ASAP1: variants seen among roughly 807,000 people sequenced by gnomAD.
ASAP1 encodes ArfGAP with SH3 domain, ankyrin repeat and PH domain 1.
A neutral mutation model predicts 145.2 loss-of-function variants in ASAP1; 43 were observed. That is an observed-to-expected ratio of 0.30 (90% confidence interval 0.23 to 0.38). The LOEUF is 0.38. ASAP1 is among the 10% of genes least tolerant of loss of function. The probability of loss-of-function intolerance (pLI) is 1.00; values close to 1 mark genes in which losing one functional copy is unlikely to be tolerated. For missense variants in ASAP1, 1,018 were observed against 1,355.3 expected (o/e 0.75, Z 3.91); for synonymous variants, 546 against 515.5 (o/e 1.06, Z -0.80).
intron 2 of ASAP1, among the ~76,000 whole-genome samples, chr8:130,396,692 A>G (rs528915263): frequency 1.3e-5 from 2 of 152,334 alleles, no homozygotes; most frequent in South Asian, 4.1e-4. Flanking sequence ...TTTCCCGTCC[A>G]TGTGCAGCAT....
intron 1 of ASAP1, among the ~76,000 whole-genome samples, chr8:130,423,663 GA>G (rs1468595009): frequency 2.0e-5 from 3 of 152,182 alleles, no homozygotes; most frequent in Non-Finnish European, 2.9e-5. Context: ...GGAATAAGTT[GA>G]AAAGAATGTG....
At chr8:130,279,563 C>T (rs550391983) in intron 3 of ASAP1, among the ~76,000 whole-genome samples, 105 of 152,278 alleles carry the variant, frequency 6.9e-4, no homozygotes, top group Non-Finnish European at 1.2e-3. Context: ...GTTCAAATTC[C>T]AGCTTGGGTG....
At chr8:130,372,645 A>G (rs1827264391) in intron 2 of ASAP1, among the ~76,000 whole-genome samples, 1 of 152,198 alleles carries the variant, frequency 6.6e-6, no homozygotes, top group East Asian at 1.9e-4. Context: ...CAGGAAGAAA[A>G]GATTTTTCCA....
At chr8:130,180,374 T>C (rs1814271156) in intron 8 of ASAP1, among the ~76,000 whole-genome samples, 1 of 152,224 alleles carries the variant, frequency 6.6e-6, no homozygotes, top group South Asian at 2.1e-4. Flanking sequence ...CAACTTCATT[T>C]GAGTTTTCAT....
At chr8:130,100,163 C>T (rs2097526146) in intron 24 of ASAP1, among the ~76,000 whole-genome samples, 1 of 152,122 alleles carries the variant, frequency 6.6e-6, no homozygotes, top group Admixed American at 6.6e-5. Flanking sequence ...TCTCTGCATC[C>T]TCATCAGGAT....
chr8:130,157,005 A>C (rs1319233574), intron 12 of ASAP1, among the ~76,000 whole-genome samples: 4 of 152,238 alleles, frequency 2.6e-5, no homozygotes, highest in South Asian at 2.1e-4. Context: ...TTGCTTCAAT[A>C]GATATGTAAT....
intron 4 of ASAP1, among the ~76,000 whole-genome samples, chr8:130,236,142 C>T (rs549390637): frequency 6.6e-6 from 1 of 152,208 alleles, no homozygotes; most frequent in East Asian, 1.9e-4. Flanking sequence ...GCTGCCTTCC[C>T]TTCCAGGTTT....
chr8:130,240,215 T>A (rs1444887738), intron 3 of ASAP1, among the ~76,000 whole-genome samples: 1 of 152,066 alleles, frequency 6.6e-6, no homozygotes, highest in African/African-American at 2.4e-5. Flanking sequence ...TATGAACTGG[T>A]AGGGTGTAAA....
At chr8:130,154,886 A>G (rs1191205971) in intron 12 of ASAP1, among the ~76,000 whole-genome samples, 1 of 152,348 alleles carries the variant, frequency 6.6e-6, no homozygotes, top group African/African-American at 2.4e-5. Context: ...ACTTTCTTCT[A>G]GAAGTACTGG....
Position 130,249,106 on chromosome 8 carries a change from T to C in ASAP1, c.187-12112A>G, listed in dbSNP as rs555582389. Among the ~76,000 whole-genome samples, 7 of 152,232 alleles carry C rather than the reference T, an allele frequency of 4.6e-5. 1 individual carries two copies. In the South Asian group the frequency reaches 1.5e-3, roughly 32 times the overall value. ...AAACCCATTCCAAGGGCTCCTGTCTTACTTTAGGACTTAATCATGCCCCAG... is the reference window on the plus strand; with the variant it reads ...AAACCCATTCCAAGGGCTCCTGTCTCACTTTAGGACTTAATCATGCCCCAG... On this transcript the variant is annotated intron_variant, in intron 3 of 29. Coordinates refer to ENST00000518721, the MANE Select transcript of ASAP1 (RefSeq NM_018482.4).
chr8:130,284,049 A>G (rs1315817968), intron 3 of ASAP1, among the ~76,000 whole-genome samples: 1 of 152,202 alleles, frequency 6.6e-6, no homozygotes, highest in Admixed American at 6.5e-5. Context: ...TGTTAGACTC[A>G]TCATCATCAC....
chr8:130,159,971 A>G lies in ASAP1; in HGVS notation c.910-7T>C. The G allele has an allele frequency of 6.2e-7, 1 of 1,610,236 alleles. No individual in the cohort carries two copies. Among genetic ancestry groups the G allele is most frequent in the Non-Finnish European group, 8.5e-7 (1 of 1,176,528 alleles). ...CTTGCCGGCTCTGAGAATCCTAGGA[A>G]AGAAAAACTACAGATTAAACAAAAA... On this transcript the variant is annotated splice_polypyrimidine_tract_variant and splice_region_variant and intron_variant, in intron 11 of 29. Coordinates refer to ENST00000518721, the MANE Select transcript of ASAP1 (RefSeq NM_018482.4).
chr8:130,070,812 GGGGAGAGA>G lies in ASAP1; in HGVS notation c.2701+5528_2701+5535del, dbSNP rs1333346241. On this transcript the variant is annotated intron_variant, in intron 27 of 29. Coordinates refer to ENST00000518721, the MANE Select transcript of ASAP1 (RefSeq NM_018482.4). Reference sequence around the variant, plus strand: ...AACTCAAGGAGGAGATACTCCTTGAGGGGAGAGAGGGAGAGAGGGAGAGAGAGGGAGAG... The same window carrying G: ...AACTCAAGGAGGAGATACTCCTTGAGGGGAGAGAGGGAGAGAGAGGGAGAG... Among the ~76,000 whole-genome samples the G allele has an allele frequency of 1.7e-4, 20 of 117,676 alleles. 1 individual carries two copies. Among genetic ancestry groups the G allele is most frequent in the African/African-American group, 5.2e-4 (16 of 30,638 alleles). The allele number at this position is 117,676 out of a possible 152,430, so 77.2% of individuals were successfully genotyped here. A position where few individuals can be genotyped will look rare whatever the true frequency, so the allele number is the denominator to read the frequency against.
chr8:130,110,514 A>G (rs1390902938), intron 24 of ASAP1, among the ~76,000 whole-genome samples: 3 of 152,238 alleles, frequency 2.0e-5, no homozygotes, highest in Non-Finnish European at 4.4e-5. Context: ...GCAGCAACAC[A>G]GCATTCTTAC....
intron 3 of ASAP1, among the ~76,000 whole-genome samples, chr8:130,254,330 TAAAAC>T (rs577131304): frequency 8.2e-4 from 125 of 152,274 alleles, no homozygotes; most frequent in Middle Eastern, 6.8e-3. Context: ...TCACGGCACT[TAAAAC>T]AAGAATGTGA....
intron 9 of ASAP1, among the ~76,000 whole-genome samples, chr8:130,174,173 C>T (rs1407371626): frequency 6.7e-6 from 1 of 149,544 alleles, no homozygotes; most frequent in Non-Finnish European, 1.5e-5. Flanking sequence ...CCTTACTATA[C>T]GTGGTAACCT....
intron 1 of ASAP1, among the ~76,000 whole-genome samples, chr8:130,403,593 C>T (rs1156620741): frequency 2.9e-5 from 4 of 135,740 alleles, no homozygotes; most frequent in Non-Finnish European, 1.5e-5. Context: ...TCACTCGTTG[C>T]CCAGACTGGA....
intron 18 of ASAP1, among the ~76,000 whole-genome samples, chr8:130,120,719 T>A (rs2097564476): frequency 6.6e-6 from 1 of 152,236 alleles, no homozygotes; most frequent in Non-Finnish European, 1.5e-5. Context: ...AGGTATCACA[T>A]GATCACCTTG....
At chr8:130,252,211 T>A (rs1210240612) in intron 3 of ASAP1, among the ~76,000 whole-genome samples, 1 of 152,210 alleles carries the variant, frequency 6.6e-6, no homozygotes, top group Non-Finnish European at 1.5e-5. Context: ...TCATTTATTG[T>A]CTAATACATA....
Sources: allele counts gnomAD v4.1 joint callset (sites outside exome capture counted in the v4.1 genomes callset), GRCh38; gene constraint gnomAD v4.1.1; transcripts MANE v1.5; gene names NCBI Gene and HGNC (gene_info 2026-07-23, HGNC 2026-07-21).